Variants in ASIC2 observed in about 807,000 individuals in gnomAD.
The protein encoded by ASIC2 is acid sensing ion channel subunit 2, also known as acid-sensing ion channel 2.
A neutral mutation model predicts 57.3 loss-of-function variants in ASIC2; 25 were observed. The observed-to-expected ratio is 0.44, with a 90% CI of 0.32 to 0.61. The LOEUF (loss-of-function observed/expected upper bound fraction) is 0.61, where lower values mean the gene tolerates loss of function less well. ASIC2 is among the 20% of genes least tolerant of loss of function. The pLI is 0.06. For missense variants in ASIC2, 641 were observed against 738.1 expected (o/e 0.87, Z 1.52); for synonymous variants, 319 against 307.5 (o/e 1.04, Z -0.39).
intron 1 of ASIC2, among the ~76,000 whole-genome samples, chr17:33,381,356 T>G (rs1320722791): frequency 6.6e-6 from 1 of 152,232 alleles, no homozygotes; most frequent in Non-Finnish European, 1.5e-5. Flanking sequence ...AGGAACTTTC[T>G]TTGCTCAGGC....
At chr17:33,039,716 A>C (rs781051213) in intron 3 of ASIC2, among the ~76,000 whole-genome samples, 2 of 152,176 alleles carry the variant, frequency 1.3e-5, no homozygotes, top group Non-Finnish European at 2.9e-5. Context: ...ATTAGAACAC[A>C]CAGAAGATGT....
At chr17:33,533,847 A>G (rs918305105) in intron 1 of ASIC2, 1 of 152,180 alleles carries the variant, frequency 6.6e-6, no homozygotes, top group African/African-American at 2.4e-5. Flanking sequence ...TGAAGACACT[A>G]TCTAATCAAC....
intron 1 of ASIC2, among the ~76,000 whole-genome samples, chr17:33,529,613 C>T (rs1178180314): frequency 2.0e-5 from 3 of 152,172 alleles, no homozygotes; most frequent in Non-Finnish European, 4.4e-5. Context: ...ACTCAACTTC[C>T]CTGAAACTCA....
intron 1 of ASIC2, among the ~76,000 whole-genome samples, chr17:33,376,667 C>T (rs1367790295): frequency 6.6e-6 from 1 of 152,150 alleles, no homozygotes; most frequent in Non-Finnish European, 1.5e-5. Context: ...TCACACAGCT[C>T]CAGAATCCAT....
At chr17:34,041,379 A>ACTT (rs1908126645) in intron 1 of ASIC2, 2 of 152,226 alleles carry the variant, frequency 1.3e-5, no homozygotes, top group African/African-American at 4.8e-5. Context: ...CCTCAAATGC[A>ACTT]CTTCTATTCA....
chr17:34,129,316 A>T (rs1421944623), intron 1 of ASIC2, among the ~76,000 whole-genome samples: 1 of 152,104 alleles, frequency 6.6e-6, no homozygotes, highest in East Asian at 1.9e-4. Flanking sequence ...ACTCTGCCTC[A>T]CTCTGAGGCC....
chr17:33,827,337 CT>C lies in ASIC2; in HGVS notation c.555+328640del, dbSNP rs375695905. ...GGACTAGGTCCTGTTGCAGCTCACTCTTTTTTTTTTTTGAGACAGAGTCTTG... is the reference window on the plus strand; with the variant it reads ...GGACTAGGTCCTGTTGCAGCTCACTCTTTTTTTTTTTGAGACAGAGTCTTG... On this transcript the variant is annotated intron_variant, in intron 1 of 9. Transcript: ENST00000359872. Among the ~76,000 whole-genome samples, 110 of 76,472 alleles carry C rather than the reference CT, an allele frequency of 1.4e-3. 10 individuals are homozygous for C. The highest frequency in any genetic ancestry group is 5.3e-3 in the Admixed American group (35 of 6,610). The allele number at this position is 76,472 out of a possible 152,430, so 50.2% of individuals were successfully genotyped here.
chr17:33,864,006 C>T (rs947226553), intron 1 of ASIC2, among the ~76,000 whole-genome samples: 6 of 151,794 alleles, frequency 4.0e-5, no homozygotes, highest in Admixed American at 6.6e-5. Context: ...CAGGTTCAAG[C>T]GATTCTCCTA....
At chr17:33,370,373 T>G (rs1481724667) in intron 1 of ASIC2, among the ~76,000 whole-genome samples, 1 of 152,224 alleles carries the variant, frequency 6.6e-6, no homozygotes, top group East Asian at 1.9e-4. Flanking sequence ...ATGCAGACCA[T>G]GCTCTGCTTT....
chr17:33,097,919 C>G (rs2092190085), intron 2 of ASIC2, among the ~76,000 whole-genome samples: 1 of 152,206 alleles, frequency 6.6e-6, no homozygotes, highest in Admixed American at 6.5e-5. Flanking sequence ...AGCCCAAGGC[C>G]AGGGAAGAGA....
intron 1 of ASIC2, among the ~76,000 whole-genome samples, chr17:33,632,119 A>G (rs1045364079): frequency 6.6e-6 from 1 of 152,052 alleles, no homozygotes; most frequent in Non-Finnish European, 1.5e-5. Context: ...AAATCAACTA[A>G]CCTCTCTGAG....
chr17:33,081,311 C>G (rs138255016), intron 3 of ASIC2, among the ~76,000 whole-genome samples: 1 of 152,150 alleles, frequency 6.6e-6, no homozygotes, highest in Non-Finnish European at 1.5e-5. Flanking sequence ...ACTTTAGATG[C>G]TGAGTGGCAA....
intron 1 of ASIC2, among the ~76,000 whole-genome samples, chr17:34,045,498 G>A (rs557583364): frequency 5.9e-5 from 9 of 152,312 alleles, no homozygotes; most frequent in African/African-American, 2.2e-4. Context: ...TTCCCAAGAA[G>A]ATTAATGGAA....
At chr17:33,891,852 T>G (rs2141947650) in intron 1 of ASIC2, among the ~76,000 whole-genome samples, 1 of 152,318 alleles carries the variant, frequency 6.6e-6, no homozygotes, top group East Asian at 1.9e-4. Flanking sequence ...AGCAAACAAA[T>G]TACAACTTCT....
chr17:33,608,798 T>A (rs749028585), intron 1 of ASIC2, among the ~76,000 whole-genome samples: 5 of 152,320 alleles, frequency 3.3e-5, no homozygotes, highest in Non-Finnish European at 5.9e-5. Flanking sequence ...CTTCCTTACT[T>A]CTTCTGCATT....
At chr17:33,817,080 A>G (rs1362015171) in intron 1 of ASIC2, among the ~76,000 whole-genome samples, 4 of 152,040 alleles carry the variant, frequency 2.6e-5, no homozygotes, top group Non-Finnish European at 5.9e-5. Flanking sequence ...CCACCTGGGG[A>G]GTTTTAGGAG....
At chr17:33,314,841 A>C (rs1386165704) in intron 1 of ASIC2, among the ~76,000 whole-genome samples, 2 of 152,180 alleles carry the variant, frequency 1.3e-5, no homozygotes, top group Non-Finnish European at 2.9e-5. Context: ...AGTCTTGTCA[A>C]TATAGCTTGG....
intron 1 of ASIC2, among the ~76,000 whole-genome samples, chr17:33,463,453 A>T (rs889339423): frequency 1.3e-5 from 2 of 152,208 alleles, no homozygotes; most frequent in Admixed American, 1.3e-4. Context: ...GAGAATGAAG[A>T]CTGCCAAGGA....
chr17:33,087,575 G>GT (rs5820015), intron 3 of ASIC2, among the ~76,000 whole-genome samples: 54,914 of 110,742 alleles, frequency 0.5, 15,319 homozygotes, highest in Non-Finnish European at 0.59. Context: ...TACAACCAGT[G>GT]TTTTTTTTTT....
Sources: gnomAD v4.1 joint callset for allele counts (sites outside exome capture counted in the v4.1 genomes callset) on GRCh38, gnomAD v4.1.1 for gene constraint, MANE v1.5 for transcripts, NCBI Gene and HGNC (gene_info 2026-07-23, HGNC 2026-07-21) for gene names.